Variants in ST6GALNAC5 observed in about 807,000 individuals in gnomAD.
ST6GALNAC5 encodes the protein alpha-N-acetylgalactosaminide alpha-2,6-sialyltransferase 5.
In ST6GALNAC5, 27 loss-of-function variants were observed where a neutral mutation model predicts 33.6. The observed-to-expected ratio is 0.80, with a 90% CI of 0.59 to 1.11. The LOEUF (loss-of-function observed/expected upper bound fraction) is 1.11, where lower values mean the gene tolerates loss of function less well. ST6GALNAC5 is among the 50% of genes least tolerant of loss of function. The pLI, the probability that ST6GALNAC5 is intolerant of heterozygous loss-of-function variation, is 0.00. For missense variants in ST6GALNAC5, 428 were observed against 454.0 expected, an observed-to-expected ratio of 0.94 and a Z score of 0.52; for synonymous variants, 194 against 171.2, an observed-to-expected ratio of 1.13 and a Z score of -1.04.
At position 76,868,947 on chromosome 1, in the gene ST6GALNAC5, A is replaced by C; in HGVS notation, c.261+205A>C. On this transcript the variant is annotated intron_variant, in intron 2 of 4. Coordinates refer to ENST00000477717, the MANE Select transcript of ST6GALNAC5 (RefSeq NM_030965.3). The surrounding 1 kb of genome is among the most constrained non-coding windows in gnomAD (Gnocchi z 4.3). ...AAAGACACAAAGTTTTGTAGAAAAT[A>C]GGGGTGAGGTGCGTGGACCCCAAAG... The C allele has an allele frequency of 4.7e-6, 4 of 859,650 alleles. No individual in the cohort carries two copies. The highest frequency in any genetic ancestry group is 6.6e-6 in the Non-Finnish European group (4 of 603,226). The allele number at this position is 859,650 out of a possible 1,614,324, so 53.3% of individuals were successfully genotyped here. A position where few individuals can be genotyped will look rare whatever the true frequency, so the allele number is the denominator to read the frequency against.
intron 2 of ST6GALNAC5, among the ~76,000 whole-genome samples, chr1:76,930,425 G>A (rs1365220667): frequency 6.6e-6 from 1 of 152,088 alleles, no homozygotes; most frequent in Non-Finnish European, 1.5e-5. Context: ...TGAATAACCT[G>A]TATTTTTCTA....
At chr1:76,959,618 A>G (rs1396135828) in intron 2 of ST6GALNAC5, among the ~76,000 whole-genome samples, 1 of 152,202 alleles carries the variant, frequency 6.6e-6, no homozygotes, top group Non-Finnish European at 1.5e-5. Context: ...TGAGTTTCTT[A>G]AGAAAGTTGA....
intron 2 of ST6GALNAC5, among the ~76,000 whole-genome samples, chr1:76,918,231 C>T (rs1443878571): frequency 6.6e-6 from 1 of 152,078 alleles, no homozygotes; most frequent in Non-Finnish European, 1.5e-5. Flanking sequence ...CTATTCCAGT[C>T]TGAGAGTCAG....
intron 4 of ST6GALNAC5, among the ~76,000 whole-genome samples, chr1:77,054,016 A>G (rs962769402): frequency 1.3e-5 from 2 of 152,214 alleles, no homozygotes; most frequent in African/African-American, 4.8e-5. Context: ...TCAGACCATA[A>G]GACAAAATTA....
At chr1:77,041,076 AT>A (rs1405793733) in intron 2 of ST6GALNAC5, among the ~76,000 whole-genome samples, 5 of 152,300 alleles carry the variant, frequency 3.3e-5, no homozygotes, top group Admixed American at 6.5e-5. Flanking sequence ...AGCTGAGACT[AT>A]TTTGGCCGAA....
At chr1:76,954,767 G>A (rs1435706237) in intron 2 of ST6GALNAC5, among the ~76,000 whole-genome samples, 1 of 152,086 alleles carries the variant, frequency 6.6e-6, no homozygotes, top group Non-Finnish European at 1.5e-5. Flanking sequence ...AACTAATTGG[G>A]TGGCCAGGAA....
At position 76,953,825 on chromosome 1, in the gene ST6GALNAC5, A is replaced by C. The variant is rs1446901657; in HGVS notation, c.261+85083A>C. Among the ~76,000 whole-genome samples, 5 of 152,010 alleles carry C rather than the reference A, an allele frequency of 3.3e-5. No individual in the cohort carries two copies. In the South Asian group the frequency reaches 8.3e-4, roughly 25 times the overall value. On this transcript the variant is annotated intron_variant, in intron 2 of 4. Transcript: ENST00000477717. ...ATGATCCATTATGAATTAATTTTTC[A>C]TGTGGTGTGAGGTTTTAAATCAAGG... is the stretch of plus-strand genomic sequence containing the variant.
chr1:76,922,311 G>A (rs1647041971), intron 2 of ST6GALNAC5, among the ~76,000 whole-genome samples: 1 of 152,014 alleles, frequency 6.6e-6, no homozygotes, highest in Non-Finnish European at 1.5e-5. Context: ...ACAAAAAAAT[G>A]TACAGAATCT....
rs747344477 is a variant in ST6GALNAC5 at position 77,065,992 on chromosome 1, G to C, written c.*2786G>C. Among the ~76,000 whole-genome samples the C allele has an allele frequency of 2.6e-5, 4 of 152,144 alleles. No homozygotes were observed. The highest frequency in any genetic ancestry group is 4.8e-5 in the African/African-American group (2 of 41,424). On this transcript the variant is annotated 3_prime_UTR_variant, in exon 5 of 5. Transcript: ENST00000477717. The stretch of plus-strand genomic sequence containing the variant: ...CAAACAAAATCAATCACTTCAAATG[G>C]CCCATAAAAGGAGGAATCTCAGATT...
Position 76,970,660 on chromosome 1 carries a change from C to T in ST6GALNAC5, c.262-73544C>T, listed in dbSNP as rs573369943. On this transcript the variant is annotated intron_variant, in intron 2 of 4. Coordinates refer to ENST00000477717, the MANE Select transcript of ST6GALNAC5 (RefSeq NM_030965.3). Reference sequence around the variant, plus strand: ...AGGATATTATCCAGGAGAACTTCCCCAACCTAGAAAGGCAGGCCAACATTC... The same window carrying T: ...AGGATATTATCCAGGAGAACTTCCCTAACCTAGAAAGGCAGGCCAACATTC... 2.7e-3 allele frequency among the ~76,000 whole-genome samples: 418 copies of T among 152,238 alleles called. 2 individuals carry two copies. The highest frequency in any genetic ancestry group is 4.7e-3 in the Non-Finnish European group (321 of 68,028).
intron 2 of ST6GALNAC5, among the ~76,000 whole-genome samples, chr1:76,979,913 G>A (rs1029074268): frequency 1.3e-5 from 2 of 152,122 alleles, no homozygotes; most frequent in Non-Finnish European, 2.9e-5. Flanking sequence ...TTGCACTCCA[G>A]CCTGGGGGAT....
chr1:77,002,372 C>A (rs2100411694), intron 2 of ST6GALNAC5, among the ~76,000 whole-genome samples: 1 of 152,070 alleles, frequency 6.6e-6, no homozygotes, highest in South Asian at 2.1e-4. Context: ...CTATTTGATT[C>A]TTCTCTCTTT....
At chr1:76,936,837 T>C (rs185168262) in intron 2 of ST6GALNAC5, among the ~76,000 whole-genome samples, 52 of 152,036 alleles carry the variant, frequency 3.4e-4, no homozygotes, top group African/African-American at 1.1e-3. Flanking sequence ...GGAAGGAGCA[T>C]TGGACTTTGG....
chr1:77,055,094 T>G (rs776215288), intron 4 of ST6GALNAC5, among the ~76,000 whole-genome samples: 26 of 151,818 alleles, frequency 1.7e-4, no homozygotes, highest in Non-Finnish European at 3.4e-4. Context: ...CCTTACTAGA[T>G]GACAAATCTG....
intron 2 of ST6GALNAC5, among the ~76,000 whole-genome samples, chr1:76,994,322 A>G (rs1415468235): frequency 2.0e-5 from 3 of 152,210 alleles, no homozygotes; most frequent in Non-Finnish European, 4.4e-5. Context: ...AGACAGCTCC[A>G]TAAAAGAATT....
chr1:77,031,913 A>G (rs1651473223), intron 2 of ST6GALNAC5, among the ~76,000 whole-genome samples: 1 of 152,214 alleles, frequency 6.6e-6, no homozygotes, highest in African/African-American at 2.4e-5. Flanking sequence ...TGTCAATATG[A>G]TGAGAATTAT....
rs745657901 is a variant in ST6GALNAC5, at chr1:76,868,618, A to T, written c.137A>T (p.Gln46Leu). The change falls in exon 2 of 5, where the codon CAG (glutamine) becomes CTG (leucine). Residue 46 changes from glutamine to leucine, a missense_variant. Physicochemically the swap from Gln to Leu is moderately radical, Grantham distance 113. Coordinates refer to ENST00000477717, the MANE Select transcript of ST6GALNAC5 (RefSeq NM_030965.3). The surrounding 1 kb of genome is among the most constrained non-coding windows in gnomAD (Gnocchi z 4.3). ...PPQQQQQQQQ[Q>L]QQQASATGSS... Reference sequence around the variant, plus strand: ...CAGCAGCAGCAGCAGCAGCAGCAACAGCAGCAGCAGGCGTCGGCCACCGGC... The same window carrying T: ...CAGCAGCAGCAGCAGCAGCAGCAACTGCAGCAGCAGGCGTCGGCCACCGGC... 26 of 1,610,986 alleles carry T rather than the reference A, an allele frequency of 1.6e-5. No individual in the cohort carries two copies. Among genetic ancestry groups the T allele is most frequent in the Non-Finnish European group, 2.2e-5 (26 of 1,178,848 alleles).
At chr1:77,044,715 C>T in intron 3 of ST6GALNAC5, 102 bp downstream of exon 3, 2 of 1,374,886 alleles carry the variant, frequency 1.5e-6, no homozygotes, top group African/African-American at 1.5e-5. Flanking sequence ...TTGTTGTGGG[C>T]TCCACTGCTC....
At chr1:76,993,713 A>G (rs1009536127) in intron 2 of ST6GALNAC5, among the ~76,000 whole-genome samples, 6 of 152,164 alleles carry the variant, frequency 3.9e-5, no homozygotes, top group African/African-American at 1.4e-4. Flanking sequence ...TTAATTCTCT[A>G]CTACGTTACG....
Sources: gnomAD v4.1 joint callset for allele counts (sites outside exome capture counted in the v4.1 genomes callset) on GRCh38, gnomAD v4.1.1 for gene constraint, Gnocchi (gnomAD v3.1) non-coding constraint, MANE v1.5 for transcripts, NCBI Gene and HGNC (gene_info 2026-07-23, HGNC 2026-07-21) for gene names.